The following GRIK1 variants were observed in gnomAD, a reference collection of about 807,000 sequenced individuals.
GRIK1 encodes glutamate receptor ionotropic, kainate 1.
Under a neutral mutation model 105.7 loss-of-function variants are expected in GRIK1, and 69 were observed. That is an observed-to-expected ratio of 0.65 (90% CI 0.54 to 0.80). The LOEUF is 0.80. Among genes scored for constraint, GRIK1 ranks in the 30% least tolerant of loss-of-function variants. The probability of loss-of-function intolerance (pLI) is 0.00; values close to 1 mark genes in which losing one functional copy is unlikely to be tolerated. For synonymous variants in GRIK1, 438 were observed against 431.3 expected (o/e 1.02, Z -0.19); for missense variants, 1,109 against 1,167.3 (o/e 0.95, Z 0.73).
chr21:29,906,405 A>C (rs900604221), intron 1 of GRIK1, among the ~76,000 whole-genome samples: 1 of 152,218 alleles, frequency 6.6e-6, no homozygotes, highest in Non-Finnish European at 1.5e-5. Flanking sequence ...TCAGAAAAAT[A>C]TAACATACTG....
chr21:29,698,203 T>A (rs978394003), intron 1 of GRIK1, among the ~76,000 whole-genome samples: 1 of 152,170 alleles, frequency 6.6e-6, no homozygotes, highest in Non-Finnish European at 1.5e-5. Flanking sequence ...TGGTTTGAGA[T>A]GAGAAATCCC....
chr21:29,752,880 A>G (rs545802123), intron 1 of GRIK1, among the ~76,000 whole-genome samples: 1 of 152,192 alleles, frequency 6.6e-6, no homozygotes, highest in Non-Finnish European at 1.5e-5. Context: ...TCTGTTATTG[A>G]ACAGTACCAG....
intron 6 of GRIK1, among the ~76,000 whole-genome samples, chr21:29,648,233 A>G (rs1057026900): frequency 6.6e-6 from 1 of 152,206 alleles, no homozygotes; most frequent in Non-Finnish European, 1.5e-5. Flanking sequence ...ATAAACAGCT[A>G]CAGAGAAATT....
intron 14 of GRIK1, among the ~76,000 whole-genome samples, chr21:29,575,445 A>G (rs951692891): frequency 6.6e-6 from 1 of 152,158 alleles, no homozygotes; most frequent in Non-Finnish European, 1.5e-5. Flanking sequence ...TCCTAAATCT[A>G]TAAACAATGT....
chr21:29,613,594 T>G (rs965707392), intron 7 of GRIK1, among the ~76,000 whole-genome samples: 1 of 152,124 alleles, frequency 6.6e-6, no homozygotes, highest in Non-Finnish European at 1.5e-5. Context: ...ATTAAGGTAT[T>G]TATCTATCTA....
At chr21:29,849,568 T>G (rs1444325169) in intron 1 of GRIK1, among the ~76,000 whole-genome samples, 2 of 151,954 alleles carry the variant, frequency 1.3e-5, no homozygotes, top group African/African-American at 2.4e-5. Context: ...AAGTGTAGAG[T>G]GATGTCAGGA....
intron 7 of GRIK1, among the ~76,000 whole-genome samples, chr21:29,606,646 C>T (rs2061623056): frequency 6.6e-6 from 1 of 151,576 alleles, no homozygotes; most frequent in South Asian, 2.1e-4. Flanking sequence ...GCCATTTAAG[C>T]TCAGAAACAT....
chr21:29,791,166 G>A (rs1024941528), intron 1 of GRIK1, among the ~76,000 whole-genome samples: 13 of 152,142 alleles, frequency 8.5e-5, no homozygotes, highest in Non-Finnish European at 1.5e-4. Flanking sequence ...AAAGAGAAAT[G>A]CTGGACCAGA....
chr21:29,565,788 C>A (rs149254155), intron 14 of GRIK1, among the ~76,000 whole-genome samples: 3 of 152,182 alleles, frequency 2.0e-5, no homozygotes, highest in Non-Finnish European at 2.9e-5. Context: ...CATGCTTAGA[C>A]GAGTTTCACA....
intron 1 of GRIK1, among the ~76,000 whole-genome samples, chr21:29,879,658 A>G (rs963934225): frequency 1.3e-5 from 2 of 152,050 alleles, no homozygotes; most frequent in Non-Finnish European, 2.9e-5. Context: ...TTTTTCCCCT[A>G]TAGTTAAAAC....
At chr21:29,716,859 A>C (rs997474018) in intron 1 of GRIK1, among the ~76,000 whole-genome samples, 2 of 152,244 alleles carry the variant, frequency 1.3e-5, no homozygotes, top group Non-Finnish European at 2.9e-5. Context: ...ACAATGGGGA[A>C]AATGCCTCCA....
At chr21:29,587,058 A>G (rs1263201912) in intron 12 of GRIK1, among the ~76,000 whole-genome samples, 1 of 152,188 alleles carries the variant, frequency 6.6e-6, no homozygotes, top group Non-Finnish European at 1.5e-5. Context: ...CATTTTACAC[A>G]TCATTTGAGC....
chr21:29,563,100 T>C (rs2090523333), intron 14 of GRIK1, among the ~76,000 whole-genome samples: 2 of 152,330 alleles, frequency 1.3e-5, no homozygotes, highest in African/African-American at 4.8e-5. Flanking sequence ...ATTTTTAAGC[T>C]AACCCCAGTT....
intron 1 of GRIK1, among the ~76,000 whole-genome samples, chr21:29,856,844 C>T (rs1319809781): frequency 1.3e-5 from 2 of 152,136 alleles, no homozygotes; most frequent in Non-Finnish European, 2.9e-5. Context: ...CAGACATAAA[C>T]ACTGAGAGAG....
At chr21:29,628,381 T>C (rs1210684347) in intron 7 of GRIK1, among the ~76,000 whole-genome samples, 1 of 152,224 alleles carries the variant, frequency 6.6e-6, no homozygotes, top group Admixed American at 6.5e-5. Flanking sequence ...GTGTGCTGTT[T>C]ATAACCCATT....
intron 1 of GRIK1, among the ~76,000 whole-genome samples, chr21:29,926,482 T>C (rs2071374982): frequency 6.6e-6 from 1 of 152,210 alleles, no homozygotes; most frequent in South Asian, 2.1e-4. Context: ...AGGTTAAGAA[T>C]TGTGGCTTGC....
Position 29,651,264 on chromosome 21 carries a change from A to G in GRIK1, c.808T>C (p.Tyr270His). ...LDLFALDLEL[Y>H]RYSGVNMTGF... ...GTCATGTTTACGCCACTGTACCTATAGAGTTCCAGATCCAAAGCAAATAAG... is the reference window on the plus strand; with the variant it reads ...GTCATGTTTACGCCACTGTACCTATGGAGTTCCAGATCCAAAGCAAATAAG... Residue 270 changes from tyrosine (Y) to histidine (H), a missense_variant, in exon 6 of 18, where the codon TAT becomes CAT. This residue lies in a region of GRIK1 where 612 missense variants were observed against 586.0 expected (regional missense o/e 1.04). Coordinates refer to ENST00000327783, the MANE Select transcript of GRIK1 (RefSeq NM_001330994.2). 6.2e-7 allele frequency: 1 copy of G among 1,613,164 alleles called. No individual in the cohort carries two copies. Among genetic ancestry groups the G allele is most frequent in the Non-Finnish European group, 8.5e-7 (1 of 1,179,294 alleles).
At chr21:29,562,916 C>A (rs1214091254) in intron 14 of GRIK1, among the ~76,000 whole-genome samples, 1 of 145,506 alleles carries the variant, frequency 6.9e-6, no homozygotes, top group Non-Finnish European at 1.5e-5. Flanking sequence ...CCTAAATTTT[C>A]ATATTACTTA....
rs766533684 is a variant in GRIK1 at position 29,588,944 on chromosome 21, G to T, written c.1464C>A (p.Asn488Lys). ...YCLDLLKELS[N>K]ILGFIYDVKL... is the part of the protein sequence containing the mutation. ...TAACATCATAAATGAAACCCAGGAT[G>T]TTTGACAATTCTTTCAACAGGTCTA... The change falls in exon 11 of 18, where the codon AAC (asparagine) becomes AAA (lysine). Residue 488 changes from asparagine (N) to lysine (K), a missense_variant. Coordinates refer to ENST00000327783, the MANE Select transcript of GRIK1 (RefSeq NM_001330994.2). The T allele has an allele frequency of 1.2e-6, 2 of 1,601,878 alleles. No homozygotes were observed. The highest frequency in any genetic ancestry group is 1.7e-6 in the Non-Finnish European group (2 of 1,168,920).
Sources: gnomAD v4.1 joint callset for allele counts (sites outside exome capture counted in the v4.1 genomes callset) on GRCh38, gnomAD v4.1.1 for gene constraint, gnomAD v4.1.1 regional missense constraint, MANE v1.5 for transcripts, NCBI Gene and HGNC (gene_info 2026-07-23, HGNC 2026-07-21) for gene names.